Variants in ZSCAN5A observed in about 807,000 individuals in gnomAD.
The protein encoded by ZSCAN5A is zinc finger and SCAN domain-containing protein 5A.
In ZSCAN5A, 12 loss-of-function variants were observed where a neutral mutation model predicts 23.7. That is an observed-to-expected ratio of 0.51 (90% confidence interval 0.32 to 0.82). ZSCAN5A has a LOEUF of 0.82. ZSCAN5A is among the 40% of genes least tolerant of loss of function. ZSCAN5A has a pLI of 0.03. For missense variants in ZSCAN5A, 597 were observed against 617.9 expected, an observed-to-expected ratio of 0.97 and a Z score of 0.36; for synonymous variants, 257 against 239.9, an observed-to-expected ratio of 1.07 and a Z score of -0.66.
chr19:56,224,443 G>A (rs1359214269), intron 3 of ZSCAN5A: 3 of 693,234 alleles, frequency 4.3e-6, no homozygotes, highest in South Asian at 2.8e-5. Context: ...TTGTCATGAT[G>A]GGTTGTCCTG....
At chr19:56,243,765 G>A (rs73067901) in intron 2 of ZSCAN5A, among the ~76,000 whole-genome samples, 11,561 of 152,224 alleles carry the variant, frequency 0.076, 576 homozygotes, top group East Asian at 0.18. Flanking sequence ...CATATAGTCA[G>A]GTGTAGACAG....
At chr19:56,222,821 G>T (rs2033426261) in intron 4 of ZSCAN5A, 80 bp from the exon 5 acceptor site, 2 of 1,592,772 alleles carry the variant, frequency 1.3e-6, no homozygotes, top group East Asian at 2.2e-5. Context: ...CTTCTGATTG[G>T]ATGCAACAAC....
chr19:56,231,132 G>C (rs1340237481), intron 2 of ZSCAN5A, among the ~76,000 whole-genome samples: 1 of 152,196 alleles, frequency 6.6e-6, no homozygotes, highest in African/African-American at 2.4e-5. Context: ...AGAATTGCTT[G>C]AGCCTGGGAG....
chr19:56,286,646 G>A (rs920305711), intron 2 of ZSCAN5A: 3 of 152,216 alleles, frequency 2.0e-5, no homozygotes, highest in Non-Finnish European at 4.4e-5. Flanking sequence ...CCGCTGTTCG[G>A]TGGAAATAAA....
intron 2 of ZSCAN5A, chr19:56,295,693 A>C (rs1348711415): frequency 6.6e-6 from 1 of 152,402 alleles, no homozygotes; most frequent in African/African-American, 2.4e-5. Flanking sequence ...CAAATCCTGC[A>C]AGTCACTGCA....
intron 2 of ZSCAN5A, among the ~76,000 whole-genome samples, chr19:56,264,887 C>T (rs111427431): frequency 0.12 from 17,636 of 152,058 alleles, 1,091 homozygotes; most frequent in South Asian, 0.17. Flanking sequence ...TTTGGGAGGC[C>T]GAGGCAGGTG....
At chr19:56,273,473 T>C (rs1449686915) in intron 2 of ZSCAN5A, among the ~76,000 whole-genome samples, 1 of 77,544 alleles carries the variant, frequency 1.3e-5, no homozygotes, top group Non-Finnish European at 3.6e-5. Context: ...ATGAAAATAG[T>C]TCTGTCTTCA....
chr19:56,248,795 C>T (rs1487155166), intron 2 of ZSCAN5A, among the ~76,000 whole-genome samples: 1 of 152,054 alleles, frequency 6.6e-6, no homozygotes, highest in Non-Finnish European at 1.5e-5. Flanking sequence ...CAGAGTTCCC[C>T]TAGACTCCCT....
intron 2 of ZSCAN5A, among the ~76,000 whole-genome samples, chr19:56,276,805 G>A (rs1002802578): frequency 6.6e-6 from 1 of 151,942 alleles, no homozygotes; most frequent in Non-Finnish European, 1.5e-5. Flanking sequence ...CCAAAGTGCT[G>A]GGATTACAGG....
At chr19:56,348,745 G>A (rs542581100) in intron 2 of ZSCAN5A, among the ~76,000 whole-genome samples, 1 of 152,194 alleles carries the variant, frequency 6.6e-6, no homozygotes, top group South Asian at 2.1e-4. Flanking sequence ...ATTATCCTCA[G>A]TTTTTCTTCC....
At position 56,332,412 on chromosome 19, in the gene ZSCAN5A, G is replaced by A. The variant is rs148046212; in HGVS notation, c.-357-16144C>T. Reference sequence around the variant, plus strand: ...ATTGAGGTCTTTATCATTATGAAATGTTTTTCTTCATACTTTTTTATTTTT... The same window carrying A: ...ATTGAGGTCTTTATCATTATGAAATATTTTTCTTCATACTTTTTTATTTTT... On this transcript the variant is annotated intron_variant, in intron 2 of 6. Transcript: ENST00000587340. Among the ~76,000 whole-genome samples, 735 of 152,214 alleles carry A rather than the reference G, an allele frequency of 4.8e-3. 5 individuals are homozygous for A. Among genetic ancestry groups the A allele is most frequent in the Admixed American group, 7.3e-3 (112 of 15,292 alleles).
At chr19:56,244,916 A>G (rs1468763369) in intron 2 of ZSCAN5A, among the ~76,000 whole-genome samples, 3 of 141,490 alleles carry the variant, frequency 2.1e-5, no homozygotes, top group Non-Finnish European at 4.8e-5. Flanking sequence ...CAGGTCCCCA[A>G]ATGAGCCCCT....
intron 1 of ZSCAN5A, among the ~76,000 whole-genome samples, chr19:56,313,685 A>T (rs183850739): frequency 1.3e-5 from 2 of 152,348 alleles, no homozygotes; most frequent in East Asian, 1.9e-4. Context: ...CCAGATGATT[A>T]TATGTCCAGG....
Position 56,324,102 on chromosome 19 carries a change from T to G in ZSCAN5A, c.-357-7834A>C, listed in dbSNP as rs1021626191. Among the ~76,000 whole-genome samples the G allele has an allele frequency of 3.3e-5, 5 of 152,276 alleles. 1 individual carries two copies. In the South Asian group the frequency reaches 8.3e-4, roughly 25 times the overall value. On this transcript the variant is annotated intron_variant, in intron 2 of 6. Transcript: ENST00000587340. ...TTCATTCTATCCAACTGTATTTTTG[T>G]GCCCACAAAACAACCTCTCTCCTTT...
Position 56,351,359 on chromosome 19 carries a change from T to TC in ZSCAN5A, c.-358+11875_-358+11876insG, listed in dbSNP as rs1381893680. Among the ~76,000 whole-genome samples, 2 of 152,018 alleles carry TC rather than the reference T, an allele frequency of 1.3e-5. No individual in the cohort carries two copies. Among genetic ancestry groups the TC allele is most frequent in the South Asian group, 2.1e-4 (1 of 4,818 alleles). On this transcript the variant is annotated intron_variant, in intron 2 of 6. Coordinates refer to the ZSCAN5A transcript ENST00000587340. The surrounding 1 kb of genome is among the most constrained non-coding windows in gnomAD (Gnocchi z 4.8). ...TGAAGGCCACCTCCAAGTAACACCA[T>TC]GTGTTCAAACCATCATGGCAACCCA...
chr19:56,362,435 G>A (rs1422976710), intron 2 of ZSCAN5A, among the ~76,000 whole-genome samples: 1 of 152,074 alleles, frequency 6.6e-6, no homozygotes, highest in African/African-American at 2.4e-5. Context: ...CGGGCATGGA[G>A]GCATGCGCCT....
intron 1 of ZSCAN5A, chr19:56,365,850 G>C (rs1335750412): frequency 2.0e-5 from 3 of 152,224 alleles, no homozygotes; most frequent in African/African-American, 7.2e-5. Context: ...ACTCCAAGAA[G>C]ACCTTGCCAT....
intron 2 of ZSCAN5A, among the ~76,000 whole-genome samples, chr19:56,302,580 CCCCTTTTCTTCCT>C (rs2040377920): frequency 1.3e-5 from 1 of 77,768 alleles, no homozygotes; most frequent in Non-Finnish European, 2.3e-5. Context: ...TTTCTTCCTC[CCCCTTTTCTTCCT>C]CTCCCTCTTC....
intron 2 of ZSCAN5A, among the ~76,000 whole-genome samples, chr19:56,254,317 G>C (rs2036553503): frequency 6.6e-6 from 1 of 152,012 alleles, no homozygotes; most frequent in African/African-American, 2.4e-5. Context: ...AATTTCAGGA[G>C]GAGACCAATG....
Sources: allele counts gnomAD v4.1 joint callset (sites outside exome capture counted in the v4.1 genomes callset), GRCh38; gene constraint gnomAD v4.1.1; non-coding constraint Gnocchi (gnomAD v3.1); transcripts MANE v1.5; gene names NCBI Gene and HGNC (gene_info 2026-07-23, HGNC 2026-07-21).